The following TAF1A variants were observed in gnomAD, a reference collection of about 807,000 sequenced individuals.
The protein encoded by TAF1A is TATA-box binding protein associated factor, RNA polymerase I subunit A.
Under a neutral mutation model 61.6 loss-of-function variants are expected in TAF1A, and 42 were observed. The ratio of observed to expected loss-of-function variants is 0.68; its 90% CI spans 0.53 to 0.88. The LOEUF is 0.88. TAF1A is among the 40% of genes least tolerant of loss of function. The pLI is 0.00. For missense variants in TAF1A, 424 were observed against 518.7 expected, an observed-to-expected ratio of 0.82 and a Z score of 1.77; for synonymous variants, 179 against 177.7, an observed-to-expected ratio of 1.01 and a Z score of -0.06.
chr1:222,556,227 T>C (rs1354477134), downstream of TAF1A, among the ~76,000 whole-genome samples: 3 of 152,156 alleles, frequency 2.0e-5, no homozygotes, highest in Non-Finnish European at 4.4e-5. Context: ...GTGCCCTGTT[T>C]TGTCTTCAAG....
At chr1:222,576,174 G>C (rs1045662284) in intron 5 of TAF1A, among the ~76,000 whole-genome samples, 2 of 152,194 alleles carry the variant, frequency 1.3e-5, no homozygotes, top group South Asian at 2.1e-4. Context: ...AGTTTAAGGT[G>C]TAAGAATGAG....
chr1:222,561,798 T>C (rs1167952697), intron 9 of TAF1A, among the ~76,000 whole-genome samples: 1 of 152,170 alleles, frequency 6.6e-6, no homozygotes, highest in Non-Finnish European at 1.5e-5. Flanking sequence ...GATTCAAATA[T>C]CAGCTCTTCC....
At chr1:222,566,355 CACAGACCAGTG>C (rs1280832092) in intron 7 of TAF1A, among the ~76,000 whole-genome samples, 5 of 152,194 alleles carry the variant, frequency 3.3e-5, no homozygotes, top group African/African-American at 1.2e-4. Flanking sequence ...ACAATTTTTC[CACAGACCAGTG>C]TGAGGGTCAA....
At chr1:222,556,300 G>A (rs1246614450), downstream of TAF1A, among the ~76,000 whole-genome samples, 1 of 152,158 alleles carries the variant, frequency 6.6e-6, no homozygotes, top group Non-Finnish European at 1.5e-5. Flanking sequence ...GATGCTGGCA[G>A]GCAGAAATGA....
At chr1:222,570,399 G>C in intron 6 of TAF1A, 136 bp downstream of exon 6, 1 of 891,342 alleles carries the variant, frequency 1.1e-6, no homozygotes, top group Admixed American at 3.0e-5. Context: ...GACCAAAAAA[G>C]AGACACCGTA....
At chr1:222,569,111 A>T in intron 7 of TAF1A, 1 of 373,070 alleles carries the variant, frequency 2.7e-6, no homozygotes, top group South Asian at 5.2e-5. Flanking sequence ...AGGGAAATGA[A>T]AGGCATTCTG....
intron 7 of TAF1A, among the ~76,000 whole-genome samples, chr1:222,567,144 T>G (rs918995896): frequency 3.9e-5 from 6 of 152,226 alleles, no homozygotes; most frequent in Non-Finnish European, 5.9e-5. Context: ...TGATATATGC[T>G]ACAACATGGA....
chr1:222,563,372 T>C, intron 8 of TAF1A, 76 bp from the exon 9 acceptor site: 1 of 1,418,176 alleles, frequency 7.1e-7, no homozygotes, highest in African/African-American at 1.4e-5. Flanking sequence ...GTATACATTT[T>C]ATCAACTGTA....
At chr1:222,578,707 C>G (rs1360282235) in intron 4 of TAF1A, among the ~76,000 whole-genome samples, 2 of 152,168 alleles carry the variant, frequency 1.3e-5, no homozygotes, top group African/African-American at 2.4e-5. Flanking sequence ...GCCATTTTCT[C>G]CTTTATCTTC....
Position 222,569,192 on chromosome 1 carries a change from TTAAAA to T in TAF1A, c.894+313_894+317del, listed in dbSNP as rs965036659. ...GAATGTAACGCATCCAAGCACATAC[TTAAAA>T]TAAGTGTGTTTACTCTCTGAAAACT... On this transcript the variant is annotated intron_variant, in intron 7 of 10. Coordinates refer to ENST00000352967, the MANE Select transcript of TAF1A (RefSeq NM_005681.4). 10 of 1,083,994 alleles carry T rather than the reference TTAAAA, an allele frequency of 9.2e-6. No individual in the cohort carries two copies. The African/African-American group carries it at 1.6e-4, about 18-fold the overall frequency. The allele number at this position is 1,083,994 out of a possible 1,614,324, so 67.1% of individuals were successfully genotyped here.
chr1:222,570,582 T>A lies in TAF1A; in HGVS notation c.688A>T (p.Ile230Phe), dbSNP rs781091081. ...WKTSANISAL[I>F]KIPGVWDPFV... Reference sequence around the variant, plus strand: ...GGGTCCCAAACTCCAGGAATTTTAATCAATGCAGAAATATTTGCAGATGTC... The same window carrying A: ...GGGTCCCAAACTCCAGGAATTTTAAACAATGCAGAAATATTTGCAGATGTC... The change falls in exon 6 of 11, where the codon ATT (isoleucine) becomes TTT (phenylalanine). Residue 230 changes from isoleucine to phenylalanine, a missense_variant. Coordinates refer to ENST00000352967, the MANE Select transcript of TAF1A (RefSeq NM_005681.4). The A allele has an allele frequency of 1.2e-5, 19 of 1,612,766 alleles. No individual in the cohort carries two copies. The African/African-American group carries it at 2.5e-4, about 22-fold the overall frequency.
intron 4 of TAF1A, among the ~76,000 whole-genome samples, 176 bp from the exon 5 acceptor site, chr1:222,577,819 T>C (rs551963280): frequency 3.9e-4 from 60 of 152,248 alleles, no homozygotes; most frequent in African/African-American, 1.4e-3. Context: ...TAGGAAACAA[T>C]TAACACTATG....
chr1:222,557,653 C>T (rs981487453), downstream of TAF1A, among the ~76,000 whole-genome samples: 4 of 151,724 alleles, frequency 2.6e-5, no homozygotes, highest in African/African-American at 4.8e-5. Context: ...GACAGGGTTT[C>T]ACCATGTTGG....
At chr1:222,557,517 C>CT (rs1659745717), downstream of TAF1A, among the ~76,000 whole-genome samples, 1 of 152,174 alleles carries the variant, frequency 6.6e-6, no homozygotes, top group Non-Finnish European at 1.5e-5. Context: ...GTGACATGAT[C>CT]TCAGCTCACT....
intron 2 of TAF1A, among the ~76,000 whole-genome samples, chr1:222,588,031 G>C (rs1421076134): frequency 1.3e-5 from 2 of 150,400 alleles, no homozygotes; most frequent in African/African-American, 4.9e-5. Flanking sequence ...GTGGGCAACA[G>C]AGCAAGACTC....
chr1:222,584,317 G>A lies in TAF1A; in HGVS notation c.122-20C>T. The A allele has an allele frequency of 6.4e-7, 1 of 1,567,472 alleles. No homozygotes were observed. The highest frequency in any genetic ancestry group is 8.6e-7 in the Non-Finnish European group (1 of 1,164,954). Reference sequence around the variant, plus strand: ...CAATGGCTATAAAAACGAAAAAGAAGAGAGTTTTTATCCAAGTGGCTCCAG... The same window carrying A: ...CAATGGCTATAAAAACGAAAAAGAAAAGAGTTTTTATCCAAGTGGCTCCAG... On this transcript the variant is annotated intron_variant, in intron 2 of 10. Transcript: ENST00000352967.
At chr1:222,563,068 A>T (rs942541164) in intron 9 of TAF1A, 105 bp downstream of exon 9, 13 of 1,155,204 alleles carry the variant, frequency 1.1e-5, no homozygotes, top group Non-Finnish European at 1.6e-5. Context: ...ACACAATTCA[A>T]GAAATTATAA....
chr1:222,575,842 A>T (rs1273522174), intron 5 of TAF1A, among the ~76,000 whole-genome samples: 3 of 152,260 alleles, frequency 2.0e-5, no homozygotes, highest in Non-Finnish European at 4.4e-5. Context: ...TCTATCCACA[A>T]GAGTAACATT....
chr1:222,561,659 C>T (rs1454527518), intron 9 of TAF1A, 141 bp from the exon 10 acceptor site: 1 of 765,548 alleles, frequency 1.3e-6, no homozygotes, highest in Non-Finnish European at 2.0e-6. Context: ...CAAGGCATAA[C>T]ACATGATTGG....
Sources: allele counts gnomAD v4.1 joint callset (sites outside exome capture counted in the v4.1 genomes callset), GRCh38; gene constraint gnomAD v4.1.1; transcripts MANE v1.5; gene names NCBI Gene and HGNC (gene_info 2026-07-23, HGNC 2026-07-21).